N4BP2L2: variants seen among roughly 807,000 people sequenced by gnomAD.
N4BP2L2 encodes NEDD4 binding protein 2 like 2, also known as NEDD4-binding protein 2-like 2.
A neutral mutation model predicts 56.2 loss-of-function variants in N4BP2L2; 50 were observed. That is an observed-to-expected ratio of 0.89 (90% CI 0.71 to 1.13). The LOEUF (loss-of-function observed/expected upper bound fraction) is 1.13. Among genes scored for constraint, N4BP2L2 ranks in the 50% most tolerant of loss-of-function variants. The pLI, the probability that N4BP2L2 is intolerant of heterozygous loss-of-function variation, is 0.00. For missense variants in N4BP2L2, 689 were observed against 693.8 expected, an observed-to-expected ratio of 0.99 and a Z score of 0.08; for synonymous variants, 203 against 223.6, an observed-to-expected ratio of 0.91 and a Z score of 0.82.
intron 1 of N4BP2L2, among the ~76,000 whole-genome samples, chr13:32,538,073 G>GT (rs1360220559): frequency 2.8e-4 from 38 of 136,248 alleles, no homozygotes; most frequent in Middle Eastern, 7.2e-3. Flanking sequence ...CCCGTCTTGG[G>GT]GGGGGGGGGC....
chr13:32,537,249 A>AAT lies in N4BP2L2; in HGVS notation c.1-224_1-223dup, dbSNP rs1044024543. 1.6e-3 allele frequency among the ~76,000 whole-genome samples: 247 copies of AAT among 151,476 alleles called. 1 individual carries two copies. The highest frequency in any genetic ancestry group is 7.7e-3 in the East Asian group (40 of 5,168). On this transcript the variant is annotated intron_variant, in intron 1 of 5. Transcript: ENST00000267068. ...ATCTCGTTGAATATCCTTTTTGAAA[A>AAT]ATATATATATATGTATATATACATA...
At chr13:32,481,118 C>CAAA (rs60854435) in intron 6 of N4BP2L2, among the ~76,000 whole-genome samples, 2,490 of 20,702 alleles carry the variant, frequency 0.12, 774 homozygotes, top group East Asian at 0.23. Flanking sequence ...GACTCTGTCT[C>CAAA]AAAAAAAAAA....
intron 6 of N4BP2L2, among the ~76,000 whole-genome samples, chr13:32,451,624 CT>C (rs1463385160): frequency 5.9e-5 from 9 of 152,140 alleles, no homozygotes; most frequent in African/African-American, 2.2e-4. Flanking sequence ...TTACTGCAAC[CT>C]TGAGCTCCCA....
intron 6 of N4BP2L2, among the ~76,000 whole-genome samples, chr13:32,494,798 T>C (rs2088144524): frequency 6.6e-6 from 1 of 152,002 alleles, no homozygotes; most frequent in Admixed American, 6.6e-5. Flanking sequence ...TCTTCTGCAT[T>C]TTTCCATAAC....
chr13:32,477,528 G>A, intron 6 of N4BP2L2: 1 of 218,818 alleles, frequency 4.6e-6, no homozygotes, highest in Non-Finnish European at 9.3e-6. Context: ...TTAATACAAA[G>A]AACTGAGAGT....
chr13:32,518,081 C>G, intron 5 of N4BP2L2, 78 bp from the exon 6 acceptor site: 1 of 1,262,698 alleles, frequency 7.9e-7, no homozygotes. Flanking sequence ...AGAGAAAAAG[C>G]ACACAAATTC....
intron 4 of N4BP2L2, chr13:32,521,962 C>G (rs571394722): frequency 2.2e-6 from 1 of 450,988 alleles, no homozygotes; most frequent in Non-Finnish European, 3.9e-6. Flanking sequence ...GGTGACAGAG[C>G]GAGACTCCGT....
At chr13:32,438,737 T>A in exon 8 of N4BP2L2, 1 of 1,603,558 alleles carries the variant, frequency 6.2e-7, no homozygotes, top group Non-Finnish European at 8.5e-7. Flanking sequence ...CAACAAGGAT[T>A]CTGTGAAAGA....
At chr13:32,465,301 G>T (rs1361329665) in intron 6 of N4BP2L2, among the ~76,000 whole-genome samples, 1 of 151,668 alleles carries the variant, frequency 6.6e-6, no homozygotes, top group Non-Finnish European at 1.5e-5. Context: ...AGTTGGTGGG[G>T]GTATAAAAAA....
downstream of N4BP2L2, chr13:32,508,945 AATAG>A (rs1314970822): frequency 6.6e-6 from 1 of 152,220 alleles, no homozygotes; most frequent in Non-Finnish European, 1.5e-5. Context: ...CCTTAAAAGA[AATAG>A]ATAATCAAAA....
intron 6 of N4BP2L2, among the ~76,000 whole-genome samples, chr13:32,451,938 G>T (rs1249158886): frequency 2.0e-5 from 3 of 151,992 alleles, no homozygotes; most frequent in Admixed American, 6.6e-5. Context: ...GGAATTCCAA[G>T]TTCAGGTGAC....
chr13:32,472,620 A>T (rs2082527178), intron 6 of N4BP2L2, among the ~76,000 whole-genome samples: 1 of 152,216 alleles, frequency 6.6e-6, no homozygotes, highest in African/African-American at 2.4e-5. Flanking sequence ...CTCGGCCTCA[A>T]ATATGGCCTA....
chr13:32,536,717 T>G, exon 2 of N4BP2L2: 1 of 1,614,184 alleles, frequency 6.2e-7, no homozygotes, highest in Non-Finnish European at 8.5e-7. Context: ...AGGACGTGCT[T>G]CCTGTAAAAC....
downstream of N4BP2L2, chr13:32,508,040 C>T (rs2091229638): frequency 6.6e-6 from 1 of 151,986 alleles, no homozygotes; most frequent in Non-Finnish European, 1.5e-5. Context: ...GAACAAAAAC[C>T]ATGATGTCAA....
chr13:32,513,308 C>T (rs1300542600), exon 6 of N4BP2L2: 1 of 152,134 alleles, frequency 6.6e-6, no homozygotes, highest in Non-Finnish European at 1.5e-5. Context: ...CTAAATACTG[C>T]TTTGCAAAGT....
Position 32,521,362 on chromosome 13 carries a change from G to C in N4BP2L2, c.1550+11C>G, listed in dbSNP as rs369333664. 475 of 1,576,414 alleles carry C rather than the reference G, an allele frequency of 3.0e-4. No individual in the cohort carries two copies. Among genetic ancestry groups the C allele is most frequent in the Admixed American group, 3.6e-4 (21 of 57,998 alleles). On this transcript the variant is annotated intron_variant, in intron 5 of 5. Transcript: ENST00000267068. ...AAAGTTAAGGATTCAATAAAAATTC[G>C]AGTGTCTTACTTTTCTAATTCTTCA...
upstream of N4BP2L2, chr13:32,538,815 A>G: frequency 1.0e-6 from 1 of 985,442 alleles, no homozygotes; most frequent in Non-Finnish European, 1.2e-6. Context: ...TCGGTTACCC[A>G]GGCCAAAACT....
At chr13:32,530,067 A>C (rs1421458619) in intron 2 of N4BP2L2, among the ~76,000 whole-genome samples, 1 of 152,148 alleles carries the variant, frequency 6.6e-6, no homozygotes, top group East Asian at 1.9e-4. Context: ...TCTACATGAC[A>C]ATCATATTTT....
At chr13:32,533,213 T>C (rs1799884601) in intron 2 of N4BP2L2, among the ~76,000 whole-genome samples, 1 of 152,184 alleles carries the variant, frequency 6.6e-6, no homozygotes, top group African/African-American at 2.4e-5. Flanking sequence ...CTTTGGGATT[T>C]TGGTTAAAGT....
Sources: allele counts gnomAD v4.1 joint callset (sites outside exome capture counted in the v4.1 genomes callset), GRCh38; gene constraint gnomAD v4.1.1; transcripts MANE v1.5; gene names NCBI Gene and HGNC (gene_info 2026-07-23, HGNC 2026-07-21).